NUP160: variants seen among roughly 807,000 people sequenced by gnomAD.
NUP160 encodes the protein nuclear pore complex protein Nup160.
A neutral mutation model predicts 196.9 loss-of-function variants in NUP160; 94 were observed. The observed-to-expected ratio is 0.48, with a 90% CI of 0.40 to 0.57. NUP160 has a LOEUF of 0.57. NUP160 is among the 20% of genes least tolerant of loss of function. The pLI is 0.00. For missense variants in NUP160, 1,638 were observed against 1,748.3 expected, an observed-to-expected ratio of 0.94 and a Z score of 1.13; for synonymous variants, 605 against 619.7, an observed-to-expected ratio of 0.98 and a Z score of 0.35.
chr11:47,806,802 C>T (rs1026501678), intron 19 of NUP160, among the ~76,000 whole-genome samples: 3,472 of 67,146 alleles, frequency 0.052, 75 homozygotes, highest in South Asian at 0.13. Context: ...CACACACACA[C>T]ACACACACAC....
chr11:47,790,720 T>C (rs183497602), intron 29 of NUP160, among the ~76,000 whole-genome samples: 9 of 152,228 alleles, frequency 5.9e-5, no homozygotes, highest in Admixed American at 2.6e-4. Context: ...TGCCACTGCA[T>C]TGCAGCCTAG....
chr11:47,840,427 T>C (rs1852272899), exon 3 of NUP160: 31 of 1,614,062 alleles, frequency 1.9e-5, no homozygotes, highest in Non-Finnish European at 2.5e-5. Context: ...GTGCACTGTT[T>C]GATTGGTTAA....
intron 9 of NUP160, among the ~76,000 whole-genome samples, chr11:47,819,928 A>G (rs1482135578): frequency 1.3e-5 from 2 of 152,238 alleles, no homozygotes; most frequent in Admixed American, 6.5e-5. Flanking sequence ...AAGTTGCACA[A>G]CTAGGATTCC....
At chr11:47,819,977 C>G (rs999432948) in intron 9 of NUP160, among the ~76,000 whole-genome samples, 2 of 152,236 alleles carry the variant, frequency 1.3e-5, no homozygotes, top group African/African-American at 4.8e-5. Context: ...TTTCTGACTA[C>G]TTTGCTCAAA....
At chr11:47,800,516 C>T (rs2097673617) in intron 23 of NUP160, among the ~76,000 whole-genome samples, 1 of 151,842 alleles carries the variant, frequency 6.6e-6, no homozygotes, top group Admixed American at 6.6e-5. Context: ...TCTCAGGCTC[C>T]TAAGTAGCTG....
chr11:47,787,969 G>A lies in NUP160; in HGVS notation c.3746+213C>T, dbSNP rs985576441. Among the ~76,000 whole-genome samples, 2 of 151,972 alleles carry A rather than the reference G, an allele frequency of 1.3e-5. No homozygotes were observed. Among genetic ancestry groups the A allele is most frequent in the Admixed American group, 1.3e-4 (2 of 15,254 alleles). On this transcript the variant is annotated intron_variant, in intron 31 of 35. Coordinates refer to ENST00000378460, the Ensembl canonical transcript of NUP160. ...GATCTCCTGGCCTCGTGATCCGCCC[G>A]CCTCGGCCTCCCAAAGTGCTGGGAT...
chr11:47,794,113 G>C (rs2097669515), intron 27 of NUP160, among the ~76,000 whole-genome samples: 1 of 152,142 alleles, frequency 6.6e-6, no homozygotes, highest in African/African-American at 2.4e-5. Context: ...TGGGTATATA[G>C]CTTCAGTTTT....
chr11:47,786,311 A>T (rs2097664492), intron 32 of NUP160, 142 bp downstream of exon 32: 4 of 511,428 alleles, frequency 7.8e-6, no homozygotes, highest in Non-Finnish European at 1.4e-5. Flanking sequence ...CACCTTAATT[A>T]TAAACTTTCC....
chr11:47,841,574 C>A (rs150666310), intron 2 of NUP160: 51 of 425,886 alleles, frequency 1.2e-4, no homozygotes, highest in South Asian at 2.4e-4. Flanking sequence ...GATGGATCTA[C>A]GAGTTTGCCA....
At position 47,829,244 on chromosome 11, in the gene NUP160, T is replaced by C. The variant is rs369398629; in HGVS notation, c.1101+6407A>G. Among the ~76,000 whole-genome samples, 11 of 152,324 alleles carry C rather than the reference T, an allele frequency of 7.2e-5. No homozygotes were observed. In the East Asian group the frequency reaches 1.3e-3, roughly 19 times the overall value. On this transcript the variant is annotated intron_variant, in intron 7 of 35. Transcript: ENST00000378460. ...AATAATACAGTTACATACTATATAA[T>C]GATGCTTTGGTATATGGACCACATA...
chr11:47,808,516 G>A (rs975138806), exon 18 of NUP160: 1 of 1,613,728 alleles, frequency 6.2e-7, no homozygotes, highest in Non-Finnish European at 8.5e-7. Flanking sequence ...GAGCTGACCA[G>A]TTCCCCAAAT....
At chr11:47,838,223 C>T (rs1255914070) in intron 4 of NUP160, among the ~76,000 whole-genome samples, 3 of 152,168 alleles carry the variant, frequency 2.0e-5, no homozygotes, top group Non-Finnish European at 1.5e-5. Context: ...AAGCTAGTAG[C>T]TGACAATACC....
At chr11:47,786,301 C>A in intron 32 of NUP160, 152 bp downstream of exon 32, 1 of 492,652 alleles carries the variant, frequency 2.0e-6, no homozygotes, top group Non-Finnish European at 3.6e-6. Context: ...GACATGATGT[C>A]ACCTTAATTA....
At chr11:47,808,593 G>T in intron 17 of NUP160, 64 bp from the exon 18 acceptor site, 1 of 1,338,374 alleles carries the variant, frequency 7.5e-7, no homozygotes, top group East Asian at 2.3e-5. Flanking sequence ...TAACTCTTAC[G>T]GCTCAGGTGG....
chr11:47,827,109 G>C (rs1384584771), intron 7 of NUP160: 1 of 455,932 alleles, frequency 2.2e-6, no homozygotes, highest in Middle Eastern at 3.3e-4. Context: ...GTTCACACTT[G>C]TAATCCCAGC....
intron 4 of NUP160, among the ~76,000 whole-genome samples, chr11:47,838,497 C>CA (rs1379667418): frequency 6.6e-6 from 1 of 152,038 alleles, no homozygotes; most frequent in Non-Finnish European, 1.5e-5. Flanking sequence ...CACTTGAGGT[C>CA]AGGAGTTCGA....
chr11:47,848,442 C>G, exon 1 of NUP160: 3 of 1,510,038 alleles, frequency 2.0e-6, no homozygotes, highest in Non-Finnish European at 2.6e-6. Context: ...AAAGGCGGCT[C>G]CGGCCCTTCG....
chr11:47,824,325 G>C (rs1851924753), intron 7 of NUP160, among the ~76,000 whole-genome samples: 1 of 151,862 alleles, frequency 6.6e-6, no homozygotes, highest in African/African-American at 2.4e-5. Context: ...TTATTTGTTG[G>C]CTGGGTGCGG....
At chr11:47,824,045 A>ATATGTATATATATATATATATATATG (rs1393141504) in intron 7 of NUP160, among the ~76,000 whole-genome samples, 1 of 98,342 alleles carries the variant, frequency 1.0e-5, no homozygotes, top group African/African-American at 3.2e-5. Context: ...ATATATATAT[A>ATATGTATATATATATATATATATATG]TATATATACA....
Sources: gnomAD v4.1 joint callset for allele counts (sites outside exome capture counted in the v4.1 genomes callset) on GRCh38, gnomAD v4.1.1 for gene constraint, MANE v1.5 for transcripts, NCBI Gene and HGNC (gene_info 2026-07-23, HGNC 2026-07-21) for gene names.